The following EPHX2 variants were observed in gnomAD, a reference collection of about 807,000 sequenced individuals.
EPHX2 encodes the protein bifunctional epoxide hydrolase 2.
A neutral mutation model predicts 78.7 loss-of-function variants in EPHX2; 74 were observed. That is an observed-to-expected ratio of 0.94 (90% CI 0.78 to 1.14). The LOEUF is 1.14. Among genes scored for constraint, EPHX2 ranks in the 50% most tolerant of loss-of-function variants. EPHX2 has a pLI of 0.00. For synonymous variants in EPHX2, 251 were observed against 255.2 expected (o/e 0.98, Z 0.16); for missense variants, 715 against 702.5 (o/e 1.02, Z -0.20).
chr8:27,536,741 G>A (rs368589081), intron 12 of EPHX2, 43 bp from the exon 13 acceptor site: 25 of 1,611,026 alleles, frequency 1.6e-5, no homozygotes, highest in African/African-American at 9.4e-5. Context: ...CAGTTTCCAC[G>A]ATTTCTAGGG....
chr8:27,520,152 T>C (rs912311251), intron 9 of EPHX2, among the ~76,000 whole-genome samples: 3 of 150,058 alleles, frequency 2.0e-5, no homozygotes, highest in Non-Finnish European at 4.5e-5. Flanking sequence ...TAATCTCTCC[T>C]TTTTTTTTAA....
At chr8:27,503,445 G>T (rs753598934) in intron 2 of EPHX2, among the ~76,000 whole-genome samples, 159 bp from the exon 3 acceptor site, 68 of 152,026 alleles carry the variant, frequency 4.5e-4, no homozygotes, top group Non-Finnish European at 8.1e-4. Context: ...AACATTTTTG[G>T]CCATGTCTCT....
chr8:27,513,370 C>T (rs1814325595), intron 6 of EPHX2, among the ~76,000 whole-genome samples: 1 of 152,128 alleles, frequency 6.6e-6, no homozygotes, highest in African/African-American at 2.4e-5. Flanking sequence ...GGGCTTTTCG[C>T]CCAGGGCTGG....
At chr8:27,539,154 A>G (rs1815312420) in intron 14 of EPHX2, 1 of 162,188 alleles carries the variant, frequency 6.2e-6, no homozygotes, top group Admixed American at 5.9e-5. Flanking sequence ...TGGGTTGGGT[A>G]TGAGTGAAGG....
Position 27,540,571 on chromosome 8 carries a change from A to G in EPHX2, c.1294A>G (p.Ser432Gly). The stretch of plus-strand genomic sequence containing the variant: ...TTTTGCAGGAGGACTTTTTGTAAAT[A>G]GCCCAGAAGAGCCCAGCCTCAGCAG... ...VCEAGGLFVN[S>G]PEEPSLSRMV... Residue 432 changes from serine (S) to glycine (G), a missense_variant, in exon 15 of 19, where the codon AGC (serine) becomes GGC (glycine). Coordinates refer to ENST00000521400, the MANE Select transcript of EPHX2 (RefSeq NM_001979.6). The G allele has an allele frequency of 3.1e-6, 5 of 1,614,190 alleles. No homozygotes were observed. The highest frequency in any genetic ancestry group is 4.2e-6 in the Non-Finnish European group (5 of 1,180,010).
chr8:27,523,861 T>C (rs930744109), intron 11 of EPHX2, among the ~76,000 whole-genome samples: 1 of 152,026 alleles, frequency 6.6e-6, no homozygotes, highest in African/African-American at 2.4e-5. Flanking sequence ...CACAACGTAC[T>C]GGTTAAAGTC....
chr8:27,529,741 C>T (rs1267229172), intron 12 of EPHX2, among the ~76,000 whole-genome samples: 10 of 151,972 alleles, frequency 6.6e-5, no homozygotes, highest in Admixed American at 2.0e-4. Flanking sequence ...GGTGAAACCT[C>T]GTCTCTACTA....
chr8:27,533,020 C>T (rs574605039), intron 12 of EPHX2, among the ~76,000 whole-genome samples: 175 of 152,046 alleles, frequency 1.2e-3, no homozygotes, highest in Non-Finnish European at 2.0e-3. Context: ...AAGACTGAAG[C>T]GAGAGCATCA....
intron 13 of EPHX2, among the ~76,000 whole-genome samples, chr8:27,537,702 T>C (rs886074194): frequency 6.6e-6 from 1 of 152,236 alleles, no homozygotes; most frequent in African/African-American, 2.4e-5. Flanking sequence ...TGTATTCTTA[T>C]TTTTCAGTTC....
chr8:27,539,030 T>C (rs729610), intron 14 of EPHX2: 14,030 of 250,292 alleles, frequency 0.056, 1,649 homozygotes, highest in African/African-American at 0.26. Context: ...TGTATGCAGG[T>C]GGAGTGGAGT....
intron 12 of EPHX2, among the ~76,000 whole-genome samples, chr8:27,529,308 TG>T (rs1219378153): frequency 7.2e-5 from 11 of 152,222 alleles, no homozygotes; most frequent in African/African-American, 2.7e-4. Context: ...TGAGAAAGCA[TG>T]AAGACTAGGC....
chr8:27,538,814 A>G (rs753583586), intron 14 of EPHX2, 122 bp downstream of exon 14: 9 of 1,134,136 alleles, frequency 7.9e-6, no homozygotes, highest in South Asian at 3.8e-5. Flanking sequence ...AAGTTGCCCA[A>G]CCAGGGTCCC....
intron 11 of EPHX2, 88 bp downstream of exon 11, chr8:27,522,596 ACTTCTC>A: frequency 7.3e-7 from 1 of 1,367,860 alleles, no homozygotes; most frequent in Admixed American, 1.9e-5. Context: ...AGCCCAGAAA[ACTTCTC>A]AAAAACAAGT....
At position 27,505,000 on chromosome 8, in the gene EPHX2, G is replaced by A; in HGVS notation, c.391G>A (p.Ala131Thr). The change falls in exon 4 of 19, where the codon GCT (alanine) becomes ACT (threonine). Residue 131 changes from alanine to threonine, a missense_variant. Physicochemically the swap from Ala to Thr is moderately conservative, Grantham distance 58 (BLOSUM62 0). Transcript: ENST00000521400. ...CACCAACACCTGGCTGGACGACCGTGCTGAGAGAGATGGCCTGGCCCAGCT... is the reference window on the plus strand; with the variant it reads ...CACCAACACCTGGCTGGACGACCGTACTGAGAGAGATGGCCTGGCCCAGCT... ...ILTNTWLDDRAERDGLAQLMC... is the reference protein window; with the variant it reads ...ILTNTWLDDRTERDGLAQLMC... 1 of 1,614,146 alleles carries A rather than the reference G, an allele frequency of 6.2e-7. No individual in the cohort carries two copies. Among genetic ancestry groups the A allele is most frequent in the Non-Finnish European group, 8.5e-7 (1 of 1,180,034 alleles).
intron 8 of EPHX2, among the ~76,000 whole-genome samples, chr8:27,517,080 T>A (rs1814484164): frequency 1.3e-5 from 2 of 152,040 alleles, no homozygotes; most frequent in Admixed American, 6.6e-5. Context: ...CCACCACACC[T>A]GGCTAATTTT....
Position 27,540,575 on chromosome 8 carries a change from C to T in EPHX2, c.1298C>T (p.Pro433Leu), listed in dbSNP as rs148997097. ...CEAGGLFVNS[P>L]EEPSLSRMVT... Reference sequence around the variant, plus strand: ...GCAGGAGGACTTTTTGTAAATAGCCCAGAAGAGCCCAGCCTCAGCAGGATG... The same window carrying T: ...GCAGGAGGACTTTTTGTAAATAGCCTAGAAGAGCCCAGCCTCAGCAGGATG... The change falls in exon 15 of 19, where the codon CCA becomes CTA. Residue 433 changes from proline (P) to leucine (L), a missense_variant. Physicochemically the swap from Pro to Leu is moderately conservative, Grantham distance 98 (BLOSUM62 -3). Transcript: ENST00000521400. The T allele has an allele frequency of 2.2e-3, 3,487 of 1,614,120 alleles. 6 individuals carry two copies. The highest frequency in any genetic ancestry group is 2.7e-3 in the Non-Finnish European group (3,137 of 1,180,004).
chr8:27,509,699 T>C (rs1814162523), intron 5 of EPHX2, among the ~76,000 whole-genome samples: 1 of 152,150 alleles, frequency 6.6e-6, no homozygotes, highest in South Asian at 2.1e-4. Context: ...TTTTAAATGT[T>C]TGAGGAAATG....
intron 12 of EPHX2, among the ~76,000 whole-genome samples, chr8:27,529,863 A>G (rs1585214397): frequency 1.3e-5 from 2 of 150,594 alleles, no homozygotes; most frequent in Middle Eastern, 3.4e-3. Context: ...GTGAGCTGAC[A>G]TCGCAGTACT....
At chr8:27,532,591 A>G (rs1585217122) in intron 12 of EPHX2, among the ~76,000 whole-genome samples, 1 of 152,166 alleles carries the variant, frequency 6.6e-6, no homozygotes, top group Non-Finnish European at 1.5e-5. Flanking sequence ...AGTCCATTTC[A>G]TGCCTGTCTC....
Sources: allele counts gnomAD v4.1 joint callset (sites outside exome capture counted in the v4.1 genomes callset), GRCh38; gene constraint gnomAD v4.1.1; transcripts MANE v1.5; gene names NCBI Gene and HGNC (gene_info 2026-07-23, HGNC 2026-07-21).